DCUN1D1: variants seen among roughly 807,000 people sequenced by gnomAD.
DCUN1D1 encodes the protein DCN1-like protein 1.
Under a neutral mutation model 39.0 loss-of-function variants are expected in DCUN1D1, and 3 were observed. That is an observed-to-expected ratio of 0.08 (90% CI 0.04 to 0.20). The LOEUF is 0.20. Among genes scored for constraint, DCUN1D1 ranks in the 10% least tolerant of loss-of-function variants. The pLI is 1.00. For missense variants in DCUN1D1, 158 were observed against 302.4 expected (o/e 0.52, Z 3.54); for synonymous variants, 82 against 96.3 (o/e 0.85, Z 0.87).
chr3:182,947,670 T>C (rs1414362330), intron 4 of DCUN1D1, 38 bp from the exon 5 acceptor site: 14 of 1,176,656 alleles, frequency 1.2e-5, no homozygotes, highest in East Asian at 4.8e-5. Context: ...TTAAATGCTA[T>C]AAATATTTGT....
chr3:182,958,265 TTTTC>T (rs1727197281), intron 4 of DCUN1D1, among the ~76,000 whole-genome samples: 1 of 152,212 alleles, frequency 6.6e-6, no homozygotes. Flanking sequence ...CTTACTACAT[TTTTC>T]TTTTTTTTAA....
At chr3:182,959,523 A>AAC (rs1727274534) in intron 4 of DCUN1D1, among the ~76,000 whole-genome samples, 1 of 150,996 alleles carries the variant, frequency 6.6e-6, no homozygotes, top group African/African-American at 2.4e-5. Flanking sequence ...AAAAAAAAAA[A>AAC]AAACCTCATT....
intron 3 of DCUN1D1, among the ~76,000 whole-genome samples, chr3:182,962,568 C>T (rs1160726753): frequency 6.6e-6 from 1 of 152,118 alleles, no homozygotes; most frequent in Non-Finnish European, 1.5e-5. Flanking sequence ...CACACCCTCT[C>T]CCCCCAAACC....
intron 1 of DCUN1D1, among the ~76,000 whole-genome samples, chr3:182,979,035 T>A (rs1277794291): frequency 1.3e-5 from 2 of 152,210 alleles, no homozygotes; most frequent in African/African-American, 4.8e-5. Flanking sequence ...ACTATACTTA[T>A]CTAAATGCTA....
In DCUN1D1 at chr3:182,965,697, T is replaced by C. The variant is rs546099334; in HGVS notation, c.60A>G (p.Gln20=). 8.1e-6 allele frequency: 13 copies of C among 1,613,854 alleles called. No homozygotes were observed. In the African/African-American group the frequency reaches 1.1e-4, roughly 13 times the overall value. ...AACTTACTGCTGTTTTTTCACTAGA[T>C]TGTGTGAAGATCATAAACTGACGAA... ...DKVRQFMIFT[Q]SSEKTAVSCL... The change falls in exon 2 of 7, where the codon CAA becomes CAG. Residue 20 remains glutamine, a synonymous_variant. Coordinates refer to ENST00000292782, the MANE Select transcript of DCUN1D1 (RefSeq NM_020640.4).
chr3:182,964,168 A>G lies in DCUN1D1; in HGVS notation c.221-119T>C. ...TGACCACAATATATGGAAGGCATGA[A>G]ACGATATTACTCTAACATACACTTT... On this transcript the variant is annotated intron_variant, in intron 2 of 6. Transcript: ENST00000292782. The G allele has an allele frequency of 4.2e-6, 3 of 719,312 alleles. 1 individual carries two copies. The South Asian group carries it at 6.0e-5, about 14-fold the overall frequency. 44.6% of individuals were successfully genotyped at this position (719,312 alleles called of 1,614,324 possible).
At chr3:182,979,600 T>TCTC (rs1553846259) in intron 1 of DCUN1D1, among the ~76,000 whole-genome samples, 1 of 137,004 alleles carries the variant, frequency 7.3e-6, no homozygotes, top group African/African-American at 2.8e-5. Context: ...GAGGACTTTT[T>TCTC]CCCCCCCCCA....
At chr3:182,947,526 G>A (rs1726476867) in intron 5 of DCUN1D1, 24 bp downstream of exon 5, 1 of 1,363,286 alleles carries the variant, frequency 7.3e-7, no homozygotes, top group South Asian at 1.2e-5. Context: ...AAAACAGAGA[G>A]AAATGTAGAA....
In DCUN1D1 at chr3:182,976,444, TACACACACACACACAC is replaced by T. The variant is rs59465164; in HGVS notation, c.3+4027_3+4042del. Among the ~76,000 whole-genome samples the T allele has an allele frequency of 1.1e-3, 153 of 140,768 alleles. 2 individuals carry two copies. Among genetic ancestry groups the T allele is most frequent in the African/African-American group, 3.8e-3 (139 of 36,988 alleles). 92.3% of individuals were successfully genotyped at this position (140,768 alleles called of 152,430 possible). On this transcript the variant is annotated intron_variant, in intron 1 of 6. Transcript: ENST00000292782. ...ATATACACATGTACATATACATACATACACACACACACACACACACACACACACACACACACACACA... is the reference window on the plus strand; with the variant it reads ...ATATACACATGTACATATACATACATACACACACACACACACACACACACA...
chr3:182,938,209 A>G lies in DCUN1D1; in HGVS notation c.*6885T>C, dbSNP rs1463787874. The G allele has an allele frequency of 1.3e-5, 2 of 152,198 alleles. No homozygotes were observed. Among genetic ancestry groups the G allele is most frequent in the African/African-American group, 4.8e-5 (2 of 41,454 alleles). The allele number at this position is 152,198 out of a possible 1,614,324, so 9.4% of individuals were successfully genotyped here. On this transcript the variant is annotated 3_prime_UTR_variant, in exon 7 of 7. Transcript: ENST00000292782. ...ATCAAAATTTCACCTTACATTTGAA[A>G]TTGCATAGAAATTTAAAGTGCTAAA...
rs993521090 is a variant in DCUN1D1, at chr3:182,941,278, T to C, written c.*3816A>G. ...AACCTGGAAAAGGGCATTTGTACTA[T>C]TAGGAACTTTCTCATTTATCTTAAC... On this transcript the variant is annotated 3_prime_UTR_variant, in exon 7 of 7. Coordinates refer to ENST00000292782, the MANE Select transcript of DCUN1D1 (RefSeq NM_020640.4). 4 of 152,102 alleles carry C rather than the reference T, an allele frequency of 2.6e-5. No homozygotes were observed. Among genetic ancestry groups the C allele is most frequent in the Non-Finnish European group, 4.4e-5 (3 of 67,966 alleles). 9.4% of individuals were successfully genotyped at this position (152,102 alleles called of 1,614,324 possible). A position where few individuals can be genotyped will look rare whatever the true frequency, so the allele number is the denominator to read the frequency against.
chr3:182,981,116 T>TC (rs551762220), upstream of DCUN1D1, among the ~76,000 whole-genome samples: 112 of 150,696 alleles, frequency 7.4e-4, no homozygotes, highest in Non-Finnish European at 1.1e-3. Context: ...GAGACCTTAG[T>TC]CCCCCCCCTG....
chr3:182,967,694 T>G (rs932294074), intron 1 of DCUN1D1, among the ~76,000 whole-genome samples: 1 of 152,192 alleles, frequency 6.6e-6, no homozygotes, highest in Non-Finnish European at 1.5e-5. Context: ...CATATCCCAT[T>G]GCAAAACACA....
At chr3:182,974,027 G>A (rs1022812899) in intron 1 of DCUN1D1, among the ~76,000 whole-genome samples, 5 of 151,856 alleles carry the variant, frequency 3.3e-5, no homozygotes, top group South Asian at 2.1e-4. Flanking sequence ...TGAGAGGGGC[G>A]GATCACTTGA....
chr3:182,980,556 G>T, upstream of DCUN1D1: 1 of 1,200,872 alleles, frequency 8.3e-7, no homozygotes. Flanking sequence ...GGCGGCGGCG[G>T]CGGCTCCTCT....
chr3:182,955,444 T>A, intron 4 of DCUN1D1: 2 of 541,836 alleles, frequency 3.7e-6, no homozygotes, highest in Admixed American at 1.9e-5. Context: ...CATAGGCACA[T>A]GGTCTACACG....
At chr3:182,972,859 A>G (rs1342072857) in intron 1 of DCUN1D1, among the ~76,000 whole-genome samples, 1 of 152,148 alleles carries the variant, frequency 6.6e-6, no homozygotes, top group Non-Finnish European at 1.5e-5. Context: ...CCTGATCAAC[A>G]TGGAGAAACC....
chr3:182,973,778 G>T (rs1728073738), intron 1 of DCUN1D1, among the ~76,000 whole-genome samples: 2 of 150,398 alleles, frequency 1.3e-5, no homozygotes, highest in Non-Finnish European at 2.9e-5. Context: ...TTGCACTCCA[G>T]CCTGGGTGAC....
chr3:182,984,205 A>G (rs1021927445), upstream of DCUN1D1, among the ~76,000 whole-genome samples: 1 of 152,238 alleles, frequency 6.6e-6, no homozygotes, highest in South Asian at 2.1e-4. Flanking sequence ...ATGTTATACC[A>G]TATGGTCAGA....
Sources: allele counts gnomAD v4.1 joint callset (sites outside exome capture counted in the v4.1 genomes callset), GRCh38; gene constraint gnomAD v4.1.1; transcripts MANE v1.5; gene names NCBI Gene and HGNC (gene_info 2026-07-23, HGNC 2026-07-21).